LAMA2: variants seen among roughly 807,000 people sequenced by gnomAD.
The protein encoded by LAMA2 is laminin subunit alpha 2.
A neutral mutation model predicts 364.8 loss-of-function variants in LAMA2; 269 were observed. The ratio of observed to expected loss-of-function variants is 0.74; its 90% CI spans 0.67 to 0.82. LAMA2 has a LOEUF of 0.82. LAMA2 is among the 40% of genes least tolerant of loss of function. The pLI, the probability that LAMA2 is intolerant of heterozygous loss-of-function variation, is 0.00. For missense variants in LAMA2, 3,807 were observed against 3,873.2 expected, an observed-to-expected ratio of 0.98 and a Z score of 0.45; for synonymous variants, 1,379 against 1,370.6, an observed-to-expected ratio of 1.01 and a Z score of -0.14.
At chr6:128,915,242 T>C (rs1385832732) in intron 1 of LAMA2, among the ~76,000 whole-genome samples, 1 of 152,204 alleles carries the variant, frequency 6.6e-6, no homozygotes, top group Non-Finnish European at 1.5e-5. Context: ...CACTCAGACA[T>C]TGACATAAAC....
intron 2 of LAMA2, among the ~76,000 whole-genome samples, chr6:129,050,374 T>G (rs1255059521): frequency 1.3e-5 from 2 of 152,156 alleles, no homozygotes; most frequent in African/African-American, 4.8e-5. Context: ...AGGGTGTGGT[T>G]ATTAACTCAG....
chr6:129,267,224 G>C lies in LAMA2; in HGVS notation c.2322+5G>C. ...GACGTCACTGGAGAATGCCTGGTAA[G>C]TGCTCTCTTCTTTGGGGATGCTGAT... On this transcript the variant is annotated splice_donor_5th_base_variant and intron_variant, in intron 16 of 64. Coordinates refer to ENST00000421865, the MANE Select transcript of LAMA2 (RefSeq NM_000426.4). 1 of 1,574,214 alleles carries C rather than the reference G, an allele frequency of 6.4e-7. No individual in the cohort carries two copies. The highest frequency in any genetic ancestry group is 1.1e-5 in the South Asian group (1 of 90,310).
intron 12 of LAMA2, among the ~76,000 whole-genome samples, chr6:129,210,734 G>A (rs138944067): frequency 6.6e-6 from 1 of 152,154 alleles, no homozygotes; most frequent in Non-Finnish European, 1.5e-5. Context: ...AACAGAACCT[G>A]TTTTTCAAAC....
At chr6:129,008,957 C>G (rs1341575774) in intron 1 of LAMA2, among the ~76,000 whole-genome samples, 1 of 152,126 alleles carries the variant, frequency 6.6e-6, no homozygotes, top group Admixed American at 6.6e-5. Flanking sequence ...ATGCATAATT[C>G]AAAGACCCAG....
intron 40 of LAMA2, among the ~76,000 whole-genome samples, chr6:129,427,320 T>C (rs1781369767): frequency 6.6e-6 from 1 of 152,204 alleles, no homozygotes; most frequent in African/African-American, 2.4e-5. Flanking sequence ...AAGGATAAAG[T>C]CAGGGGATGT....
At chr6:129,310,024 C>G (rs1021045520) in intron 22 of LAMA2, among the ~76,000 whole-genome samples, 2 of 150,720 alleles carry the variant, frequency 1.3e-5, no homozygotes, top group South Asian at 2.1e-4. Context: ...CTCAGCCTCC[C>G]GAGTAGCTGG....
Position 129,223,708 on chromosome 6 carries a change from C to G in LAMA2, c.1783-26404C>G, listed in dbSNP as rs548415995. On this transcript the variant is annotated intron_variant, in intron 12 of 64. Coordinates refer to ENST00000421865, the MANE Select transcript of LAMA2 (RefSeq NM_000426.4). ...TTCTGTTCCATTGATCTACATCTCT[C>G]TTTTGGTACCAGTACCATGCTGTTT... Among the ~76,000 whole-genome samples, 15 of 152,224 alleles carry G rather than the reference C, an allele frequency of 9.9e-5. No homozygotes were observed. The South Asian group carries it at 1.0e-3, about 11-fold the overall frequency.
At chr6:129,132,198 G>T (rs1176115555) in intron 4 of LAMA2, among the ~76,000 whole-genome samples, 2 of 145,180 alleles carry the variant, frequency 1.4e-5, no homozygotes, top group Non-Finnish European at 3.0e-5. Flanking sequence ...ACAGAGTCTC[G>T]CTCTGTCACC....
intron 3 of LAMA2, among the ~76,000 whole-genome samples, chr6:129,068,871 C>A (rs1582982570): frequency 1.3e-5 from 2 of 151,792 alleles, no homozygotes; most frequent in East Asian, 3.9e-4. Context: ...TGTATTTTTT[C>A]CTCATAGAAC....
chr6:129,253,951 A>T (rs1786448154), intron 14 of LAMA2, among the ~76,000 whole-genome samples: 1 of 152,214 alleles, frequency 6.6e-6, no homozygotes, highest in South Asian at 2.1e-4. Context: ...AATAAGTAAA[A>T]GCCAATGTCA....
intron 18 of LAMA2, among the ~76,000 whole-genome samples, chr6:129,285,487 AG>A (rs1298273134): frequency 6.6e-6 from 1 of 152,096 alleles, no homozygotes; most frequent in Admixed American, 6.6e-5. Flanking sequence ...TTGCTATCTA[AG>A]TTAAGAAAAA....
intron 37 of LAMA2, among the ~76,000 whole-genome samples, chr6:129,393,670 T>C (rs1779449906): frequency 6.6e-6 from 1 of 152,188 alleles, no homozygotes; most frequent in Admixed American, 6.5e-5. Flanking sequence ...AGCATACATA[T>C]AGGGTATCTT....
chr6:129,463,301 A>G (rs140707547), intron 49 of LAMA2, among the ~76,000 whole-genome samples: 2 of 152,158 alleles, frequency 1.3e-5, no homozygotes, highest in African/African-American at 4.8e-5. Flanking sequence ...AATGAATAGG[A>G]TAACTCTATT....
Position 129,271,586 on chromosome 6 carries a change from C to T in LAMA2, c.2450+835C>T, listed in dbSNP as rs541338346. ...CCGGGTTCAAGCCATTCTCCTGCCT[C>T]AGCTGGACTACAGGCTGTGTTGAAT... On this transcript the variant is annotated intron_variant, in intron 17 of 64. Transcript: ENST00000421865. Among the ~76,000 whole-genome samples the T allele has an allele frequency of 2.6e-3, 386 of 151,072 alleles. 3 individuals carry two copies. Among genetic ancestry groups the T allele is most frequent in the African/African-American group, 9.0e-3 (371 of 41,184 alleles).
chr6:129,184,657 C>T (rs1000127591), intron 10 of LAMA2, among the ~76,000 whole-genome samples: 1 of 151,854 alleles, frequency 6.6e-6, no homozygotes, highest in Non-Finnish European at 1.5e-5. Flanking sequence ...GATTGTTCGC[C>T]CCTGATCCTT....
intron 32 of LAMA2, among the ~76,000 whole-genome samples, chr6:129,358,856 T>G (rs369378015): frequency 6.6e-6 from 1 of 152,020 alleles, no homozygotes; most frequent in African/African-American, 2.4e-5. Context: ...TAGTTTAGGC[T>G]GACTTTCAGT....
chr6:129,353,492 A>C, intron 32 of LAMA2, 135 bp downstream of exon 32: 2 of 715,810 alleles, frequency 2.8e-6, no homozygotes, highest in Admixed American at 2.3e-5. Context: ...ATTCTTTCTG[A>C]CACTATCTAT....
At chr6:128,935,921 A>G (rs1779785252) in intron 1 of LAMA2, among the ~76,000 whole-genome samples, 1 of 152,154 alleles carries the variant, frequency 6.6e-6, no homozygotes, top group Non-Finnish European at 1.5e-5. Context: ...CATCCCCATA[A>G]TCCCCAAATG....
chr6:129,470,503 T>A (rs1315479212), intron 51 of LAMA2, among the ~76,000 whole-genome samples: 1 of 151,858 alleles, frequency 6.6e-6, no homozygotes, highest in Non-Finnish European at 1.5e-5. Flanking sequence ...AACATCAACA[T>A]TTTAGAAGTG....
Sources: gnomAD v4.1 joint callset for allele counts (sites outside exome capture counted in the v4.1 genomes callset) on GRCh38, gnomAD v4.1.1 for gene constraint, MANE v1.5 for transcripts, NCBI Gene and HGNC (gene_info 2026-07-23, HGNC 2026-07-21) for gene names.